The following PTPRD variants were observed in gnomAD, a reference collection of about 807,000 sequenced individuals.
PTPRD encodes the protein protein tyrosine phosphatase receptor type D, also known as receptor-type tyrosine-protein phosphatase delta.
Under a neutral mutation model 214.5 loss-of-function variants are expected in PTPRD, and 34 were observed. The observed-to-expected ratio is 0.16, with a 90% CI of 0.12 to 0.21. The LOEUF is 0.21. Ranked by LOEUF, PTPRD falls within the 10% of genes least tolerant of loss-of-function variation. The probability of loss-of-function intolerance (pLI) is 1.00; values close to 1 mark genes in which losing one functional copy is unlikely to be tolerated. For synonymous variants in PTPRD, 1,128 were observed against 845.7 expected (o/e 1.33, Z -5.79); for missense variants, 2,545 against 2,398.7 (o/e 1.06, Z -1.27).
chr9:9,682,962 T>C (rs905004764), intron 7 of PTPRD, among the ~76,000 whole-genome samples: 4 of 151,794 alleles, frequency 2.6e-5, no homozygotes, highest in Non-Finnish European at 5.9e-5. Context: ...ACAAGATATG[T>C]ACAGTCATTA....
intron 5 of PTPRD, among the ~76,000 whole-genome samples, chr9:9,817,261 G>T (rs2153561563): frequency 6.6e-6 from 1 of 152,190 alleles, no homozygotes; most frequent in Admixed American, 6.5e-5. Flanking sequence ...AACGATTAGG[G>T]ACTACTGTAA....
Position 10,215,235 on chromosome 9 carries a change from T to C in PTPRD, c.-545+125728A>G, listed in dbSNP as rs574202634. 1.8e-4 allele frequency among the ~76,000 whole-genome samples: 27 copies of C among 151,734 alleles called. No homozygotes were observed. In the South Asian group the frequency reaches 5.4e-3, roughly 30 times the overall value. On this transcript the variant is annotated intron_variant, in intron 3 of 45. Coordinates refer to ENST00000381196, the MANE Select transcript of PTPRD (RefSeq NM_002839.4). The stretch of plus-strand genomic sequence containing the variant: ...TCAGACCTACACAGACTGAAGATAT[T>C]CAATGAAACAAGAGGCTCTAAGAAT...
chr9:9,426,331 G>A (rs112242672), intron 8 of PTPRD, among the ~76,000 whole-genome samples: 22 of 152,194 alleles, frequency 1.4e-4, no homozygotes, highest in African/African-American at 2.2e-4. Flanking sequence ...GTCTGAGATC[G>A]AACTGCAAGG....
chr9:10,049,131 T>C (rs1368858357), intron 3 of PTPRD, among the ~76,000 whole-genome samples: 1 of 152,068 alleles, frequency 6.6e-6, no homozygotes, highest in Admixed American at 6.6e-5. Flanking sequence ...GTGATGTCAA[T>C]TGGCAGCTAG....
chr9:10,127,631 T>C (rs1212654113), intron 3 of PTPRD, among the ~76,000 whole-genome samples: 1 of 152,162 alleles, frequency 6.6e-6, no homozygotes, highest in Non-Finnish European at 1.5e-5. Context: ...ATATTGTTTC[T>C]TATCCTTCTA....
At chr9:9,740,361 A>AT (rs35876773) in intron 6 of PTPRD, among the ~76,000 whole-genome samples, 53,658 of 145,518 alleles carry the variant, frequency 0.37, 10,505 homozygotes, top group African/African-American at 0.5. Flanking sequence ...TAAAACTACT[A>AT]TTTTTTTTTT....
chr9:8,682,221 C>T (rs1296739561), intron 12 of PTPRD, among the ~76,000 whole-genome samples: 1 of 152,038 alleles, frequency 6.6e-6, no homozygotes, highest in Admixed American at 6.6e-5. Context: ...TGTTTTTGCA[C>T]GAGAGAAGTC....
intron 7 of PTPRD, among the ~76,000 whole-genome samples, chr9:9,575,717 C>CAAAAAAAAAAAAAAA (rs757614546): frequency 1.3e-3 from 43 of 33,310 alleles, no homozygotes; most frequent in Middle Eastern, 0.045. Context: ...AAGACTGTCT[C>CAAAAAAAAAAAAAAA]AAAAAAAAAA....
intron 11 of PTPRD, among the ~76,000 whole-genome samples, chr9:8,940,067 A>T (rs199701791): frequency 8.8e-3 from 1 of 114 alleles, no homozygotes; most frequent in African/African-American, 0.012. Context: ...ATAAGTTTGG[A>T]AAAAAAAAAA....
At chr9:8,542,003 T>C (rs2078566727) in intron 14 of PTPRD, among the ~76,000 whole-genome samples, 2 of 152,058 alleles carry the variant, frequency 1.3e-5, no homozygotes, top group South Asian at 4.1e-4. Flanking sequence ...AAATCCCTTA[T>C]CTTTTGCAAC....
chr9:9,475,097 C>G (rs1589364668), intron 8 of PTPRD, among the ~76,000 whole-genome samples: 1 of 152,136 alleles, frequency 6.6e-6, no homozygotes, highest in East Asian at 1.9e-4. Flanking sequence ...ATACATACTA[C>G]CAACTGAAGT....
At chr9:9,870,374 C>G (rs1468937362) in intron 5 of PTPRD, among the ~76,000 whole-genome samples, 1 of 150,322 alleles carries the variant, frequency 6.7e-6, no homozygotes, top group Non-Finnish European at 1.5e-5. Context: ...AATAGGGCAG[C>G]CTACAATCTA....
At chr9:8,370,207 TACACACACACACACAC>T (rs78658053) in intron 39 of PTPRD, among the ~76,000 whole-genome samples, 22 of 81,974 alleles carry the variant, frequency 2.7e-4, no homozygotes, top group Non-Finnish European at 5.4e-4. Flanking sequence ...CATATATATA[TACACACACACACACAC>T]ACACACACAC....
intron 8 of PTPRD, among the ~76,000 whole-genome samples, chr9:9,451,205 T>G (rs1243630025): frequency 6.6e-6 from 1 of 151,734 alleles, no homozygotes; most frequent in Admixed American, 6.6e-5. Context: ...TTTTACCCCA[T>G]GTATGGAGAA....
chr9:9,756,779 G>C (rs2098588328), intron 6 of PTPRD, among the ~76,000 whole-genome samples: 1 of 152,164 alleles, frequency 6.6e-6, no homozygotes, highest in Non-Finnish European at 1.5e-5. Context: ...AACCCTGTCA[G>C]ATTCCAGAGA....
At chr9:8,765,048 G>A (rs373194633) in intron 11 of PTPRD, among the ~76,000 whole-genome samples, 1 of 152,050 alleles carries the variant, frequency 6.6e-6, no homozygotes, top group African/African-American at 2.4e-5. Flanking sequence ...GTGTGATTAT[G>A]ATAAAATGAT....
intron 10 of PTPRD, among the ~76,000 whole-genome samples, chr9:9,110,447 G>A (rs2099804462): frequency 6.6e-6 from 1 of 152,110 alleles, no homozygotes; most frequent in Non-Finnish European, 1.5e-5. Flanking sequence ...AAGTCTGAGA[G>A]CCAAATTGTT....
At chr9:9,902,309 T>G (rs536170414) in intron 5 of PTPRD, among the ~76,000 whole-genome samples, 44 of 152,308 alleles carry the variant, frequency 2.9e-4, no homozygotes, top group African/African-American at 1.1e-3. Flanking sequence ...CTTAAATAAT[T>G]TTTGCAACAT....
At chr9:9,204,265 G>A (rs1457228104) in intron 9 of PTPRD, among the ~76,000 whole-genome samples, 5 of 152,174 alleles carry the variant, frequency 3.3e-5, no homozygotes, top group African/African-American at 9.7e-5. Flanking sequence ...TTTCATTAGC[G>A]AATATGTCTG....
Sources: allele counts gnomAD v4.1 joint callset (sites outside exome capture counted in the v4.1 genomes callset), GRCh38; gene constraint gnomAD v4.1.1; transcripts MANE v1.5; gene names NCBI Gene and HGNC (gene_info 2026-07-23, HGNC 2026-07-21).